The following SLC35F4 variants were observed in gnomAD, a reference collection of about 807,000 sequenced individuals.
SLC35F4 encodes the protein solute carrier family 35 member F4.
SLC35F4 carries 24 observed loss-of-function variants against 44.2 expected under a neutral mutation model. That is an observed-to-expected ratio of 0.54 (90% CI 0.39 to 0.76). The LOEUF (loss-of-function observed/expected upper bound fraction) is 0.76. Among genes scored for constraint, SLC35F4 ranks in the 30% least tolerant of loss-of-function variants. The pLI, the probability that SLC35F4 is intolerant of heterozygous loss-of-function variation, is 0.00. For synonymous variants in SLC35F4, 238 were observed against 223.6 expected (o/e 1.06, Z -0.57); for missense variants, 562 against 586.1 (o/e 0.96, Z 0.42).
intron 3 of SLC35F4, among the ~76,000 whole-genome samples, chr14:57,583,335 C>A (rs754861077): frequency 6.8e-6 from 1 of 147,222 alleles, no homozygotes. Context: ...AGTTGAGAGT[C>A]GTGGGTTTAT....
intron 1 of SLC35F4, among the ~76,000 whole-genome samples, chr14:57,937,607 AAAGAAAAGAAAAGAAAAGAAAAG>A (rs1889832085): frequency 9.5e-5 from 6 of 62,920 alleles, no homozygotes; most frequent in African/African-American, 4.1e-4. Flanking sequence ...AAAGAAAAGA[AAAGAAAAGAAAAGAAAAGAAAAG>A]AAAAGAAAAG....
Position 57,692,365 on chromosome 14 carries a change from A to C in SLC35F4, c.104-98241T>G, listed in dbSNP as rs1594807740. ...ATGGTGGTACCCCTTTAAAATGGTCATATATTTATTTCTATAGCTAATAGT... is the reference window on the plus strand; with the variant it reads ...ATGGTGGTACCCCTTTAAAATGGTCCTATATTTATTTCTATAGCTAATAGT... On this transcript the variant is annotated intron_variant, in intron 1 of 7. Coordinates refer to ENST00000556826, the MANE Select transcript of SLC35F4 (RefSeq NM_001306087.2). Among the ~76,000 whole-genome samples the C allele has an allele frequency of 2.0e-5, 3 of 152,048 alleles. No individual in the cohort carries two copies. In the East Asian group the frequency reaches 5.8e-4, roughly 29 times the overall value.
At chr14:57,831,682 A>G (rs1364895402) in intron 1 of SLC35F4, among the ~76,000 whole-genome samples, 6 of 152,178 alleles carry the variant, frequency 3.9e-5, no homozygotes, top group Admixed American at 3.3e-4. Flanking sequence ...TATTTCAGTA[A>G]TTTAAAGAGT....
chr14:57,839,873 G>C (rs529180498), intron 1 of SLC35F4, among the ~76,000 whole-genome samples: 2 of 152,274 alleles, frequency 1.3e-5, no homozygotes, highest in South Asian at 4.1e-4. Flanking sequence ...CAGAGCCAGA[G>C]TTAAGAACTT....
intron 3 of SLC35F4, among the ~76,000 whole-genome samples, chr14:57,583,224 T>C (rs555221125): frequency 1.3e-5 from 2 of 152,274 alleles, no homozygotes; most frequent in East Asian, 1.9e-4. Context: ...GCACCATACA[T>C]AGAACCAGAG....
In SLC35F4 at chr14:57,864,925, C is replaced by T. The variant is rs539763553; in HGVS notation, c.103+798G>A. ...GGAGGGGGACTGCGAGCAGAGCACA[C>T]CTCATCGCCCTCCCACCAAAACTGG... On this transcript the variant is annotated intron_variant, in intron 1 of 7. Coordinates refer to ENST00000556826, the MANE Select transcript of SLC35F4 (RefSeq NM_001306087.2). 5.3e-5 allele frequency among the ~76,000 whole-genome samples: 8 copies of T among 152,328 alleles called. No individual in the cohort carries two copies. In the East Asian group the frequency reaches 1.4e-3, roughly 26 times the overall value.
chr14:57,651,063 A>C (rs2073763238), intron 1 of SLC35F4, among the ~76,000 whole-genome samples: 1 of 152,186 alleles, frequency 6.6e-6, no homozygotes, highest in South Asian at 2.1e-4. Flanking sequence ...TTATGTCACA[A>C]TCCCAAACCA....
intron 1 of SLC35F4, among the ~76,000 whole-genome samples, chr14:57,838,586 T>A (rs2140954100): frequency 6.6e-6 from 1 of 152,300 alleles, no homozygotes; most frequent in South Asian, 2.1e-4. Flanking sequence ...ACAGTCTAGC[T>A]GAGGAGCTAT....
intron 1 of SLC35F4, among the ~76,000 whole-genome samples, chr14:57,871,774 T>C (rs1211360996): frequency 6.6e-6 from 1 of 152,226 alleles, no homozygotes; most frequent in East Asian, 1.9e-4. Context: ...TCAGAGCTAA[T>C]ACTAGACACT....
intron 1 of SLC35F4, among the ~76,000 whole-genome samples, chr14:57,938,850 G>C (rs934683411): frequency 5.3e-5 from 8 of 151,784 alleles, no homozygotes; most frequent in Non-Finnish European, 1.0e-4. Flanking sequence ...GTGACAGAAG[G>C]GCTGCAAAAA....
intron 1 of SLC35F4, among the ~76,000 whole-genome samples, chr14:57,633,937 A>G (rs8016412): frequency 0.45 from 67,751 of 151,900 alleles, 15,873 homozygotes; most frequent in Non-Finnish European, 0.52. Context: ...CTAAGAGCAG[A>G]AAAGGAGCCC....
intron 1 of SLC35F4, among the ~76,000 whole-genome samples, chr14:57,910,202 C>A (rs1889189819): frequency 6.6e-6 from 1 of 151,892 alleles, no homozygotes; most frequent in Admixed American, 6.6e-5. Context: ...GTATATCAGT[C>A]CTGTATCGGA....
intron 1 of SLC35F4, among the ~76,000 whole-genome samples, chr14:57,637,819 C>A (rs1173513777): frequency 6.6e-6 from 1 of 152,026 alleles, no homozygotes; most frequent in Non-Finnish European, 1.5e-5. Flanking sequence ...TGAATGAACC[C>A]CTCTTGGCAA....
At chr14:57,728,094 T>G (rs2076248374) in intron 1 of SLC35F4, among the ~76,000 whole-genome samples, 1 of 152,226 alleles carries the variant, frequency 6.6e-6, no homozygotes. Context: ...TTTATAAGCA[T>G]TATTTCCCCT....
intron 1 of SLC35F4, among the ~76,000 whole-genome samples, chr14:57,716,257 C>T (rs2075938996): frequency 6.6e-6 from 1 of 151,474 alleles, no homozygotes; most frequent in East Asian, 1.9e-4. Flanking sequence ...CCTATCTTAA[C>T]AAGTAGTTTG....
intron 1 of SLC35F4, among the ~76,000 whole-genome samples, chr14:57,770,063 C>T (rs1347847958): frequency 1.3e-5 from 2 of 152,178 alleles, no homozygotes; most frequent in East Asian, 1.9e-4. Flanking sequence ...CTGTTAAGAA[C>T]ACTAACCCAG....
At chr14:57,673,320 T>G (rs1197201264) in intron 1 of SLC35F4, among the ~76,000 whole-genome samples, 1 of 152,078 alleles carries the variant, frequency 6.6e-6, no homozygotes, top group Non-Finnish European at 1.5e-5. Context: ...AGCATGGTTA[T>G]CACCACAGTT....
chr14:57,668,643 A>G (rs2074402453), intron 1 of SLC35F4, among the ~76,000 whole-genome samples: 1 of 151,956 alleles, frequency 6.6e-6, no homozygotes, highest in Non-Finnish European at 1.5e-5. Flanking sequence ...ATAGTTGTAG[A>G]TATGTGGCAT....
chr14:57,726,029 C>G (rs931169574), intron 1 of SLC35F4, among the ~76,000 whole-genome samples: 1 of 152,124 alleles, frequency 6.6e-6, no homozygotes, highest in Non-Finnish European at 1.5e-5. Flanking sequence ...CAACTGGATA[C>G]TTTGGGATCC....
Sources: allele counts gnomAD v4.1 joint callset (sites outside exome capture counted in the v4.1 genomes callset), GRCh38; gene constraint gnomAD v4.1.1; transcripts MANE v1.5; gene names NCBI Gene and HGNC (gene_info 2026-07-23, HGNC 2026-07-21).